Variants in LRBA observed in about 807,000 individuals in gnomAD.
LRBA encodes lipopolysaccharide-responsive and beige-like anchor protein.
A neutral mutation model predicts 330.0 loss-of-function variants in LRBA; 176 were observed. The ratio of observed to expected loss-of-function variants is 0.53; its 90% CI spans 0.47 to 0.60. LRBA has a LOEUF of 0.60. Among genes scored for constraint, LRBA ranks in the 20% least tolerant of loss-of-function variants. LRBA has a pLI of 0.00. For synonymous variants in LRBA, 1,230 were observed against 1,193.0 expected, an observed-to-expected ratio of 1.03 and a Z score of -0.64; for missense variants, 3,259 against 3,444.8, an observed-to-expected ratio of 0.95 and a Z score of 1.35.
chr4:150,878,548 C>T (rs1224611353), intron 17 of LRBA, among the ~76,000 whole-genome samples: 2 of 150,810 alleles, frequency 1.3e-5, no homozygotes, highest in Non-Finnish European at 3.0e-5. Context: ...AAAGAACCAG[C>T]AAAACGAAAA....
At position 150,914,331 on chromosome 4, in the gene LRBA, T is replaced by C. The variant is rs201545103; in HGVS notation, c.1025A>G (p.Lys342Arg). The C allele has an allele frequency of 6.8e-5, 103 of 1,514,842 alleles. No homozygotes were observed. The highest frequency in any genetic ancestry group is 1.8e-4 in the Middle Eastern group (1 of 5,620). The allele number at this position is 1,514,842 out of a possible 1,614,324, so 93.8% of individuals were successfully genotyped here. A position where few individuals can be genotyped will look rare whatever the true frequency, so the allele number is the denominator to read the frequency against. Reference sequence around the variant, plus strand: ...TGTTTCTGATGAGCCCAGGAAACATTTGTCAAAGGTCTGTAAAAGAAAAAA... The same window carrying C: ...TGTTTCTGATGAGCCCAGGAAACATCTGTCAAAGGTCTGTAAAAGAAAAAA... Reference protein sequence around the residue: ...WFVNTSDTFDKCFLGSSETAD... With the variant: ...WFVNTSDTFDRCFLGSSETAD... Residue 342 changes from lysine (K) to arginine (R), a missense_variant, in exon 9 of 57, where the codon AAA (lysine) becomes AGA (arginine). Transcript: ENST00000651943.
At chr4:150,602,386 C>T (rs1246099507) in intron 37 of LRBA, among the ~76,000 whole-genome samples, 1 of 152,104 alleles carries the variant, frequency 6.6e-6, no homozygotes, top group African/African-American at 2.4e-5. Context: ...GTAGGTAATA[C>T]ATGTTTTTGG....
intron 40 of LRBA, among the ~76,000 whole-genome samples, chr4:150,525,144 T>C (rs1170126059): frequency 6.6e-6 from 1 of 152,140 alleles, no homozygotes; most frequent in East Asian, 1.9e-4. Context: ...TATTTTTCTA[T>C]TTATGTCTTA....
intron 44 of LRBA, among the ~76,000 whole-genome samples, chr4:150,459,254 C>T (rs1346075946): frequency 1.3e-5 from 2 of 151,934 alleles, no homozygotes; most frequent in African/African-American, 2.4e-5. Context: ...ACCTTAAACC[C>T]TCCTTCTGGT....
chr4:151,001,852 C>G (rs767892736), intron 2 of LRBA, among the ~76,000 whole-genome samples: 1 of 152,136 alleles, frequency 6.6e-6, no homozygotes, highest in African/African-American at 2.4e-5. Context: ...CAAGGACAGG[C>G]ATTCTCAGCC....
At chr4:150,981,616 A>G (rs1383765616) in intron 2 of LRBA, among the ~76,000 whole-genome samples, 1 of 152,028 alleles carries the variant, frequency 6.6e-6, no homozygotes, top group African/African-American at 2.4e-5. Flanking sequence ...GACAACTCAG[A>G]AACAAATCCA....
At chr4:150,741,916 G>A (rs939948512) in intron 35 of LRBA, among the ~76,000 whole-genome samples, 3 of 151,844 alleles carry the variant, frequency 2.0e-5, no homozygotes, top group African/African-American at 7.2e-5. Context: ...AATGGCCACG[G>A]AGTTCTAAAT....
intron 4 of LRBA, among the ~76,000 whole-genome samples, chr4:150,923,855 T>G (rs556474246): frequency 7.1e-4 from 108 of 152,326 alleles, no homozygotes; most frequent in African/African-American, 2.5e-3. Context: ...ATGATATAAA[T>G]TATAATTACT....
rs1389481551 is a variant in LRBA at position 150,302,798 on chromosome 4, A to G, written c.7850-6T>C. 6.4e-7 allele frequency: 1 copy of G among 1,561,792 alleles called. No individual in the cohort carries two copies. Among genetic ancestry groups the G allele is most frequent in the Non-Finnish European group, 8.7e-7 (1 of 1,155,092 alleles). On this transcript the variant is annotated splice_polypyrimidine_tract_variant and splice_region_variant and intron_variant, in intron 52 of 56. Coordinates refer to ENST00000651943, the MANE Select transcript of LRBA (RefSeq NM_001364905.1). ...CACCACTTGGATCAATCTTCCTGTA[A>G]TGCAAAACAATTTTCTTTAAAAATG... is the stretch of plus-strand genomic sequence containing the variant.
chr4:150,396,258 T>C (rs1479369646), intron 47 of LRBA, among the ~76,000 whole-genome samples: 1 of 152,190 alleles, frequency 6.6e-6, no homozygotes, highest in Non-Finnish European at 1.5e-5. Flanking sequence ...TCCTGGTCTG[T>C]GAGTCTTCAG....
chr4:150,878,075 G>A (rs1754254752), intron 17 of LRBA, among the ~76,000 whole-genome samples: 2 of 152,086 alleles, frequency 1.3e-5, no homozygotes, highest in Non-Finnish European at 2.9e-5. Flanking sequence ...GCTCATGCCT[G>A]TAATCCCAAC....
chr4:150,604,650 T>TACTAC (rs754988550), intron 37 of LRBA, among the ~76,000 whole-genome samples: 62 of 152,312 alleles, frequency 4.1e-4, no homozygotes, highest in Non-Finnish European at 6.8e-4. Flanking sequence ...AACAGAGCTT[T>TACTAC]ACTACATGGC....
intron 37 of LRBA, among the ~76,000 whole-genome samples, chr4:150,651,047 C>A (rs1156435683): frequency 6.6e-6 from 1 of 152,070 alleles, no homozygotes; most frequent in South Asian, 2.1e-4. Flanking sequence ...AACAAGCAAA[C>A]CTTATTACTT....
intron 49 of LRBA, among the ~76,000 whole-genome samples, chr4:150,324,725 A>G (rs1467419428): frequency 6.6e-6 from 1 of 152,196 alleles, no homozygotes; most frequent in Non-Finnish European, 1.5e-5. Context: ...CTACACCACA[A>G]CATGGAATTT....
chr4:150,765,066 A>G (rs72959901), intron 34 of LRBA, among the ~76,000 whole-genome samples: 4,877 of 151,106 alleles, frequency 0.032, 219 homozygotes, highest in African/African-American at 0.11. Context: ...CAACCAGACA[A>G]TGGAATATTA....
intron 40 of LRBA, among the ~76,000 whole-genome samples, chr4:150,559,584 ATATT>A (rs1397648954): frequency 3.4e-5 from 4 of 119,104 alleles, no homozygotes; most frequent in South Asian, 2.2e-4. Context: ...AAATATATAA[ATATT>A]TATAATATAT....
chr4:151,006,687 A>C (rs1241150861), intron 2 of LRBA, among the ~76,000 whole-genome samples: 3 of 152,198 alleles, frequency 2.0e-5, no homozygotes, highest in Non-Finnish European at 2.9e-5. Flanking sequence ...ATTAATTCAC[A>C]AACAGGAAAA....
intron 44 of LRBA, among the ~76,000 whole-genome samples, chr4:150,462,762 G>C (rs1165582967): frequency 6.6e-6 from 1 of 151,806 alleles, no homozygotes; most frequent in Non-Finnish European, 1.5e-5. Flanking sequence ...ACGGAGATAA[G>C]ATCTGTTTGT....
rs1579026519 is a variant in LRBA, at chr4:150,862,302, G to A, written c.2766+5369C>T. Among the ~76,000 whole-genome samples, 3 of 152,268 alleles carry A rather than the reference G, an allele frequency of 2.0e-5. No homozygotes were observed. In the South Asian group the frequency reaches 6.2e-4, roughly 32 times the overall value. ...CCCAAATGTCCAACAATGATAGACT[G>A]GATTAAGAAAATGTGGCACATGCAC... On this transcript the variant is annotated intron_variant, in intron 22 of 56. Transcript: ENST00000651943.
Sources: allele counts gnomAD v4.1 joint callset (sites outside exome capture counted in the v4.1 genomes callset), GRCh38; gene constraint gnomAD v4.1.1; transcripts MANE v1.5; gene names NCBI Gene and HGNC (gene_info 2026-07-23, HGNC 2026-07-21).